The following DNAH7 variants were observed in gnomAD, a reference collection of about 807,000 sequenced individuals.
DNAH7 encodes axonemal beta dynein heavy chain 7.
A neutral mutation model predicts 444.6 loss-of-function variants in DNAH7; 397 were observed. That is an observed-to-expected ratio of 0.89 (90% CI 0.82 to 0.97). DNAH7 has a LOEUF of 0.97. DNAH7 is among the 50% of genes least tolerant of loss of function. The pLI, the probability that DNAH7 is intolerant of heterozygous loss-of-function variation, is 0.00. For synonymous variants in DNAH7, 1,636 were observed against 1,624.4 expected (o/e 1.01, Z -0.17); for missense variants, 4,902 against 4,800.8 (o/e 1.02, Z -0.62).
Position 195,864,908 on chromosome 2 carries a change from A to G in DNAH7, c.6747T>C (p.Phe2249=), listed in dbSNP as rs1361594355. The G allele has an allele frequency of 5.0e-6, 8 of 1,613,348 alleles. No homozygotes were observed. The highest frequency in any genetic ancestry group is 6.8e-6 in the Non-Finnish European group (8 of 1,180,024). ...CATCATTATCAAAATCCAAACGCTG[A>G]AAAAGCTCATGAAAATCTTCATACA... ...NYMYEDFHEL[F]QRLDFDNDGM... The change falls in exon 41 of 65, where the codon TTT becomes TTC. Residue 2249 remains phenylalanine, a synonymous_variant. Coordinates refer to ENST00000312428, the MANE Select transcript of DNAH7 (RefSeq NM_018897.3).
chr2:195,881,303 T>C (rs1035039391), intron 36 of DNAH7, among the ~76,000 whole-genome samples: 42 of 152,220 alleles, frequency 2.8e-4, no homozygotes, highest in Non-Finnish European at 8.8e-5. Flanking sequence ...AAAAGTATCT[T>C]CATTCTCCTC....
At chr2:195,960,202 T>A in intron 18 of DNAH7, 58 bp downstream of exon 18, 1 of 1,392,260 alleles carries the variant, frequency 7.2e-7, no homozygotes, top group Non-Finnish European at 9.7e-7. Flanking sequence ...AACTTTACAT[T>A]AAACACAAGT....
chr2:195,791,772 G>A (rs1171758604), intron 57 of DNAH7, among the ~76,000 whole-genome samples: 1 of 152,122 alleles, frequency 6.6e-6, no homozygotes, highest in Non-Finnish European at 1.5e-5. Flanking sequence ...TGCAGCTGGA[G>A]GCCATTATCC....
intron 14 of DNAH7, 35 bp from the exon 15 acceptor site, chr2:195,984,745 A>G (rs932167558): frequency 1.9e-6 from 3 of 1,579,374 alleles, no homozygotes; most frequent in African/African-American, 2.7e-5. Flanking sequence ...TTACATATTT[A>G]CAGTTCAATT....
chr2:195,968,755 C>T (rs1325909920), intron 17 of DNAH7, among the ~76,000 whole-genome samples: 1 of 152,234 alleles, frequency 6.6e-6, no homozygotes, highest in Admixed American at 6.5e-5. Context: ...GACTCCAGAG[C>T]ACTTTAGCCC....
chr2:195,799,307 C>A lies in DNAH7; in HGVS notation c.10342G>T (p.Ala3448Ser). The A allele has an allele frequency of 1.3e-6, 2 of 1,582,198 alleles. No individual in the cohort carries two copies. Among genetic ancestry groups the A allele is most frequent in the Non-Finnish European group, 1.7e-6 (2 of 1,165,234 alleles). The change falls in exon 55 of 65, where the codon GCT (alanine) becomes TCT (serine). Residue 3448 changes from alanine to serine, a missense_variant. Coordinates refer to ENST00000312428, the MANE Select transcript of DNAH7 (RefSeq NM_018897.3). ...CTATTGTAAGGTACCTGGTCATCAG[C>A]AAATTTTAGAAGGGCAGCCATGGGA... ...ADPMAALLKF[A>S]DDQGYGGSKL...
At chr2:195,956,694 T>G (rs1055937943) in intron 19 of DNAH7, among the ~76,000 whole-genome samples, 1 of 152,226 alleles carries the variant, frequency 6.6e-6, no homozygotes, top group African/African-American at 2.4e-5. Flanking sequence ...AAACGTACTT[T>G]TTTTTAGTGT....
intron 39 of DNAH7, among the ~76,000 whole-genome samples, chr2:195,873,099 T>C (rs1700817234): frequency 6.6e-6 from 1 of 152,162 alleles, no homozygotes; most frequent in Non-Finnish European, 1.5e-5. Flanking sequence ...GGAATGACAA[T>C]TTCTTGAGAA....
intron 24 of DNAH7, among the ~76,000 whole-genome samples, chr2:195,910,500 C>T (rs779370618): frequency 6.6e-6 from 1 of 151,946 alleles, no homozygotes; most frequent in Non-Finnish European, 1.5e-5. Flanking sequence ...CAACTGTAAG[C>T]ATATGGAAAT....
intron 63 of DNAH7, among the ~76,000 whole-genome samples, chr2:195,744,805 G>A (rs1238780004): frequency 4.0e-4 from 61 of 152,318 alleles, no homozygotes; most frequent in Admixed American, 3.9e-3. Flanking sequence ...CTGTCTGTTA[G>A]AAGGAAAACT....
At chr2:195,920,158 C>T (rs1375208249) in intron 24 of DNAH7, among the ~76,000 whole-genome samples, 1 of 152,030 alleles carries the variant, frequency 6.6e-6, no homozygotes, top group Admixed American at 6.6e-5. Flanking sequence ...AGATTCAATA[C>T]AATTCCCACA....
intron 48 of DNAH7, among the ~76,000 whole-genome samples, chr2:195,826,639 T>C (rs921594668): frequency 1.3e-5 from 2 of 152,234 alleles, no homozygotes; most frequent in Admixed American, 1.3e-4. Context: ...GTTAACTATA[T>C]ATTTTTTTCT....
intron 57 of DNAH7, among the ~76,000 whole-genome samples, chr2:195,791,555 T>G (rs768496513): frequency 6.6e-6 from 1 of 152,144 alleles, no homozygotes; most frequent in African/African-American, 2.4e-5. Flanking sequence ...CCCATTACTG[T>G]GTGTATATCC....
At chr2:196,047,938 T>G (rs144914128) in intron 4 of DNAH7, among the ~76,000 whole-genome samples, 2 of 152,150 alleles carry the variant, frequency 1.3e-5, no homozygotes, top group African/African-American at 4.8e-5. Flanking sequence ...TTGGAAGTCA[T>G]GTTCACAATT....
rs142187277 is a variant in DNAH7, at chr2:195,755,105, T to C, written c.11587-591A>G. ...ATATCTAATACGCATTGCTACACAATATATCATGTTACATAGTTGAACAGA... is the reference window on the plus strand; with the variant it reads ...ATATCTAATACGCATTGCTACACAACATATCATGTTACATAGTTGAACAGA... On this transcript the variant is annotated intron_variant, in intron 62 of 64. Coordinates refer to ENST00000312428, the MANE Select transcript of DNAH7 (RefSeq NM_018897.3). Among the ~76,000 whole-genome samples the C allele has an allele frequency of 3.1e-3, 476 of 152,328 alleles. 1 individual carries two copies. Among genetic ancestry groups the C allele is most frequent in the African/African-American group, 0.011 (465 of 41,576 alleles).
At position 195,934,770 on chromosome 2, in the gene DNAH7, T is replaced by C; in HGVS notation, c.3292A>G (p.Lys1098Glu). The change falls in exon 21 of 65, where the codon AAA becomes GAA. Residue 1098 changes from lysine to glutamate, a missense_variant. Lys to Glu is a moderately conservative substitution (Grantham distance 56). Coordinates refer to ENST00000312428, the MANE Select transcript of DNAH7 (RefSeq NM_018897.3). Reference protein sequence around the residue: ...DPTRVQPHLKKCFEGIAKVEF... With the variant: ...DPTRVQPHLKECFEGIAKVEF... ...ACCTTTGCGATTCCTTCAAAACATT[T>C]CTTCAAGTGAGGTTGCACCCTGTCA... 5 of 1,614,102 alleles carry C rather than the reference T, an allele frequency of 3.1e-6. No homozygotes were observed. The highest frequency in any genetic ancestry group is 3.4e-6 in the Non-Finnish European group (4 of 1,179,976).
intron 34 of DNAH7, among the ~76,000 whole-genome samples, chr2:195,885,174 T>C: frequency 6.6e-6 from 1 of 152,216 alleles, no homozygotes; most frequent in East Asian, 1.9e-4. Flanking sequence ...ATAACCTACA[T>C]ATCCATTTTC....
intron 8 of DNAH7, among the ~76,000 whole-genome samples, chr2:196,022,864 A>G (rs770421157): frequency 4.6e-5 from 7 of 152,240 alleles, no homozygotes; most frequent in Non-Finnish European, 1.0e-4. Flanking sequence ...TAGTAGATAT[A>G]GCCTTTCAAA....
intron 57 of DNAH7, among the ~76,000 whole-genome samples, chr2:195,791,926 G>A (rs1695894391): frequency 6.6e-6 from 1 of 152,162 alleles, no homozygotes. Flanking sequence ...TAGCACTTTG[G>A]AAGGCCAAGG....
Sources: gnomAD v4.1 joint callset for allele counts (sites outside exome capture counted in the v4.1 genomes callset) on GRCh38, gnomAD v4.1.1 for gene constraint, MANE v1.5 for transcripts, NCBI Gene and HGNC (gene_info 2026-07-23, HGNC 2026-07-21) for gene names.